KIAA0825: variants seen among roughly 807,000 people sequenced by gnomAD.
KIAA0825 encodes the protein uncharacterized protein KIAA0825.
Under a neutral mutation model 147.6 loss-of-function variants are expected in KIAA0825, and 119 were observed. The ratio of observed to expected loss-of-function variants is 0.81; its 90% CI spans 0.69 to 0.94. The LOEUF (loss-of-function observed/expected upper bound fraction) is 0.94. Among genes scored for constraint, KIAA0825 ranks in the 40% least tolerant of loss-of-function variants. The pLI is 0.00. For missense variants in KIAA0825, 1,381 were observed against 1,472.7 expected (o/e 0.94, Z 1.02); for synonymous variants, 470 against 518.1 (o/e 0.91, Z 1.26).
At chr5:94,445,472 C>A (rs1344609985) in intron 13 of KIAA0825, among the ~76,000 whole-genome samples, 1 of 152,250 alleles carries the variant, frequency 6.6e-6, no homozygotes, top group East Asian at 1.9e-4. Flanking sequence ...TGTTGGACTA[C>A]ATGCTGTCTT....
chr5:94,561,532 T>C (rs527581577), intron 2 of KIAA0825, among the ~76,000 whole-genome samples: 1 of 152,294 alleles, frequency 6.6e-6, no homozygotes, highest in African/African-American at 2.4e-5. Context: ...TGTGGGGTCC[T>C]GGTAGTGTCA....
chr5:94,455,203 A>T (rs868537355), intron 12 of KIAA0825, among the ~76,000 whole-genome samples: 1 of 152,238 alleles, frequency 6.6e-6, no homozygotes, highest in African/African-American at 2.4e-5. Flanking sequence ...CCCGCCAAAA[A>T]AAAGGAACGT....
intron 20 of KIAA0825, among the ~76,000 whole-genome samples, chr5:94,192,172 G>C (rs982826508): frequency 2.6e-5 from 4 of 152,202 alleles, no homozygotes; most frequent in Non-Finnish European, 5.9e-5. Context: ...AAATAAAAAA[G>C]CTCTGTGACA....
intron 12 of KIAA0825, among the ~76,000 whole-genome samples, chr5:94,458,939 TC>T (rs1279511588): frequency 2.6e-5 from 4 of 152,128 alleles, no homozygotes; most frequent in Admixed American, 2.6e-4. Flanking sequence ...AATATTTTAT[TC>T]CCAAACGAAA....
chr5:94,266,349 AG>A (rs1273881101), intron 20 of KIAA0825, among the ~76,000 whole-genome samples: 1 of 152,146 alleles, frequency 6.6e-6, no homozygotes, highest in Non-Finnish European at 1.5e-5. Flanking sequence ...TGTATAACTC[AG>A]TAAGCAAATA....
At chr5:94,192,571 A>C (rs1190827757) in intron 20 of KIAA0825, among the ~76,000 whole-genome samples, 6 of 152,202 alleles carry the variant, frequency 3.9e-5, no homozygotes, top group Non-Finnish European at 8.8e-5. Flanking sequence ...TGAAGCATCC[A>C]AATGATTGGG....
chr5:94,509,847 C>G (rs1162141553), intron 5 of KIAA0825, among the ~76,000 whole-genome samples: 1 of 152,164 alleles, frequency 6.6e-6, no homozygotes, highest in Non-Finnish European at 1.5e-5. Flanking sequence ...CTGGGAACTT[C>G]AGGGCTTTTG....
chr5:94,163,660 G>A lies in KIAA0825; in HGVS notation c.3711-9536C>T, dbSNP rs150836516. On this transcript the variant is annotated intron_variant, in intron 20 of 20. Coordinates refer to ENST00000682413, the MANE Select transcript of KIAA0825 (RefSeq NM_001145678.3). ...TCATCAGTAAAATATAACCATTCACGTTTCCATTCTGGTTAATGTAATTAA... is the reference window on the plus strand; with the variant it reads ...TCATCAGTAAAATATAACCATTCACATTTCCATTCTGGTTAATGTAATTAA... Among the ~76,000 whole-genome samples, 14 of 152,068 alleles carry A rather than the reference G, an allele frequency of 9.2e-5. No individual in the cohort carries two copies. In the East Asian group the frequency reaches 9.7e-4, roughly 10 times the overall value.
intron 1 of KIAA0825, among the ~76,000 whole-genome samples, chr5:94,585,512 C>G (rs902922337): frequency 6.6e-6 from 1 of 152,260 alleles, no homozygotes; most frequent in East Asian, 1.9e-4. Context: ...TATATGCACC[C>G]AATACAGGGG....
Position 94,442,292 on chromosome 5 carries a change from G to A in KIAA0825, c.2358-2171C>T, listed in dbSNP as rs527448745. On this transcript the variant is annotated intron_variant, in intron 13 of 20. Coordinates refer to ENST00000682413, the MANE Select transcript of KIAA0825 (RefSeq NM_001145678.3). ...CCATCAGCTTGTGTTTCAACCTTGG[G>A]CCAACTCAGGCTTCCCATGTAAAAC... is the stretch of plus-strand genomic sequence containing the variant. Among the ~76,000 whole-genome samples the A allele has an allele frequency of 6.2e-4, 94 of 152,254 alleles. 1 individual carries two copies. Among genetic ancestry groups the A allele is most frequent in the African/African-American group, 2.2e-3 (92 of 41,552 alleles).
At chr5:94,505,558 A>G (rs1051023036) in intron 5 of KIAA0825, among the ~76,000 whole-genome samples, 3 of 152,170 alleles carry the variant, frequency 2.0e-5, no homozygotes, top group Non-Finnish European at 2.9e-5. Context: ...CAGAAAACTA[A>G]GCAACACTCA....
intron 3 of KIAA0825, among the ~76,000 whole-genome samples, chr5:94,529,347 C>CATATATATGTATATATCAT (rs58103553): frequency 1.6e-5 from 2 of 127,150 alleles, no homozygotes; most frequent in Non-Finnish European, 3.2e-5. Flanking sequence ...ATGTATATAT[C>CATATATATGTATATATCAT]ATATATGTAT....
At chr5:94,438,983 T>A (rs1756728978) in intron 14 of KIAA0825, among the ~76,000 whole-genome samples, 1 of 152,046 alleles carries the variant, frequency 6.6e-6, no homozygotes, top group Admixed American at 6.6e-5. Context: ...CTCCGAAACA[T>A]CAGCTGGGCT....
intron 20 of KIAA0825, among the ~76,000 whole-genome samples, chr5:94,318,432 G>A (rs912911907): frequency 6.6e-6 from 1 of 151,792 alleles, no homozygotes; most frequent in South Asian, 2.1e-4. Context: ...ATATTAATAC[G>A]ATGAAGTAGG....
chr5:94,555,581 A>G (rs1584878240), intron 2 of KIAA0825, among the ~76,000 whole-genome samples: 1 of 152,204 alleles, frequency 6.6e-6, no homozygotes. Context: ...TGACAGGATC[A>G]GTCAGAATAC....
At chr5:94,578,192 G>A (rs1437544471) in intron 2 of KIAA0825, among the ~76,000 whole-genome samples, 1 of 152,168 alleles carries the variant, frequency 6.6e-6, no homozygotes, top group Non-Finnish European at 1.5e-5. Context: ...TTCAAAGATG[G>A]AAATAACAGG....
chr5:94,563,963 G>A (rs193269186), intron 2 of KIAA0825, among the ~76,000 whole-genome samples: 124 of 152,276 alleles, frequency 8.1e-4, no homozygotes, highest in African/African-American at 2.9e-3. Context: ...GGGATTACAG[G>A]CGTGAGCCAT....
chr5:94,232,967 A>G (rs928472905), intron 20 of KIAA0825, among the ~76,000 whole-genome samples: 5 of 152,180 alleles, frequency 3.3e-5, no homozygotes, highest in Non-Finnish European at 7.4e-5. Context: ...AAAAAATATT[A>G]ACAGGGAGTA....
chr5:94,246,665 A>G (rs1775632060), intron 20 of KIAA0825, among the ~76,000 whole-genome samples: 1 of 152,190 alleles, frequency 6.6e-6, no homozygotes, highest in African/African-American at 2.4e-5. Context: ...ATGCATACAT[A>G]GAGCAGATAT....
Sources: allele counts gnomAD v4.1 joint callset (sites outside exome capture counted in the v4.1 genomes callset), GRCh38; gene constraint gnomAD v4.1.1; transcripts MANE v1.5; gene names NCBI Gene and HGNC (gene_info 2026-07-23, HGNC 2026-07-21).